Variants in SLC4A4 observed in about 807,000 individuals in gnomAD.
SLC4A4 encodes solute carrier family 4 member 4.
A neutral mutation model predicts 111.5 loss-of-function variants in SLC4A4; 27 were observed. That is an observed-to-expected ratio of 0.24 (90% CI 0.18 to 0.33). The LOEUF (loss-of-function observed/expected upper bound fraction) is 0.33. SLC4A4 is among the 10% of genes least tolerant of loss of function. The probability of loss-of-function intolerance (pLI) is 1.00; values close to 1 mark genes in which losing one functional copy is unlikely to be tolerated. For missense variants in SLC4A4, 909 were observed against 1,315.5 expected (o/e 0.69, Z 4.78); for synonymous variants, 443 against 463.4 (o/e 0.96, Z 0.57).
intron 7 of SLC4A4, among the ~76,000 whole-genome samples, chr4:71,438,575 T>G (rs1022610627): frequency 2.0e-5 from 3 of 152,144 alleles, no homozygotes; most frequent in African/African-American, 7.2e-5. Flanking sequence ...ATTAAAGAAA[T>G]AAAAGCTTAG....
intron 1 of SLC4A4, among the ~76,000 whole-genome samples, chr4:71,233,764 G>A (rs1447252141): frequency 6.6e-6 from 1 of 151,980 alleles, no homozygotes; most frequent in Non-Finnish European, 1.5e-5. Context: ...TTCTCCCATA[G>A]CCTTCCCCTG....
intron 7 of SLC4A4, among the ~76,000 whole-genome samples, chr4:71,428,438 A>G (rs765047988): frequency 1.3e-5 from 2 of 152,080 alleles, no homozygotes; most frequent in African/African-American, 2.4e-5. Context: ...CGCCAGGACA[A>G]TAGGGTAAAC....
Position 71,535,874 on chromosome 4 carries a change from C to CT in SLC4A4, c.2442+1486_2442+1487insT, listed in dbSNP as rs1560597055. ...AAACAAACAAACAAAACAAACAAAC[C>CT]AACAAAAAAACTAGACTGTCACTAA... On this transcript the variant is annotated intron_variant, in intron 18 of 25. Transcript: ENST00000264485. Among the ~76,000 whole-genome samples, 34 of 88,436 alleles carry CT rather than the reference C, an allele frequency of 3.8e-4. No homozygotes were observed. In the East Asian group the frequency reaches 0.011, roughly 29 times the overall value. The allele number at this position is 88,436 out of a possible 152,430, so 58.0% of individuals were successfully genotyped here. A position where few individuals can be genotyped will look rare whatever the true frequency, so the allele number is the denominator to read the frequency against.
intron 7 of SLC4A4, among the ~76,000 whole-genome samples, chr4:71,417,729 G>A (rs970317797): frequency 1.3e-5 from 2 of 152,066 alleles, no homozygotes; most frequent in Non-Finnish European, 2.9e-5. Flanking sequence ...TATCTTTACA[G>A]AACCAAAACC....
chr4:71,559,673 G>A (rs756954640), intron 22 of SLC4A4, among the ~76,000 whole-genome samples: 18 of 151,654 alleles, frequency 1.2e-4, no homozygotes, highest in East Asian at 9.8e-4. Context: ...TATATGTGTC[G>A]TACAGATTTT....
chr4:71,189,514 T>A (rs951316860), intron 1 of SLC4A4, among the ~76,000 whole-genome samples: 1 of 152,226 alleles, frequency 6.6e-6, no homozygotes, highest in African/African-American at 2.4e-5. Context: ...TAGGCCCTGA[T>A]GGTAATCTCA....
At chr4:71,281,433 G>A (rs972174434) in intron 3 of SLC4A4, among the ~76,000 whole-genome samples, 8 of 152,172 alleles carry the variant, frequency 5.3e-5, no homozygotes, top group African/African-American at 1.9e-4. Context: ...CATTAAGTGA[G>A]TTTATGTCTT....
chr4:71,089,041 C>T (rs923946533), intron 1 of SLC4A4, among the ~76,000 whole-genome samples: 1 of 152,108 alleles, frequency 6.6e-6, no homozygotes, highest in African/African-American at 2.4e-5. Flanking sequence ...TTCGGTACAC[C>T]AGTCAGAGGT....
At chr4:71,094,812 CTG>C (rs10586241) in intron 2 of SLC4A4, among the ~76,000 whole-genome samples, 49,870 of 151,942 alleles carry the variant, frequency 0.33, 8,458 homozygotes, top group African/African-American at 0.42. Flanking sequence ...AAAGGTCTCT[CTG>C]TCTTCTCCTG....
chr4:71,563,421 C>T (rs1397420478), intron 23 of SLC4A4, among the ~76,000 whole-genome samples: 23 of 151,726 alleles, frequency 1.5e-4, no homozygotes, highest in Non-Finnish European at 1.0e-4. Flanking sequence ...ATTTCAAGAC[C>T]GTATTATAAC....
At chr4:71,096,255 C>G (rs9291200) in intron 2 of SLC4A4, among the ~76,000 whole-genome samples, 150,351 of 152,258 alleles carry the variant, frequency 0.99, 74,265 homozygotes, top group East Asian at 1. Context: ...TGGCTGGAGG[C>G]TAAAGGGGGG....
intron 7 of SLC4A4, among the ~76,000 whole-genome samples, chr4:71,400,267 C>A (rs1044836080): frequency 2.6e-5 from 4 of 152,152 alleles, no homozygotes; most frequent in Admixed American, 2.6e-4. Flanking sequence ...CAGAAGAAAT[C>A]TGATGGCTTA....
At chr4:71,163,226 A>G (rs1406614489) in intron 2 of SLC4A4, among the ~76,000 whole-genome samples, 1 of 152,124 alleles carries the variant, frequency 6.6e-6, no homozygotes, top group African/African-American at 2.4e-5. Flanking sequence ...TTGTCATTCC[A>G]GTTTTATTAG....
At chr4:71,078,211 G>GCATTCATT (rs562076848) in intron 1 of SLC4A4, among the ~76,000 whole-genome samples, 1 of 152,028 alleles carries the variant, frequency 6.6e-6, no homozygotes, top group Non-Finnish European at 1.5e-5. Context: ...TGTACAATTA[G>GCATTCATT]CATTCATTCA....
intron 13 of SLC4A4, among the ~76,000 whole-genome samples, chr4:71,469,813 T>C (rs1283257780): frequency 6.6e-6 from 1 of 151,984 alleles, no homozygotes; most frequent in Non-Finnish European, 1.5e-5. Context: ...TGAACTACTG[T>C]AGTATTGCTT....
intron 3 of SLC4A4, among the ~76,000 whole-genome samples, chr4:71,295,445 G>T (rs1333179134): frequency 1.3e-5 from 2 of 152,052 alleles, no homozygotes; most frequent in Non-Finnish European, 2.9e-5. Flanking sequence ...GTTTTACCTT[G>T]ATTTTCCTAA....
intron 6 of SLC4A4, among the ~76,000 whole-genome samples, chr4:71,370,455 A>C (rs1004356914): frequency 2.0e-5 from 3 of 152,174 alleles, no homozygotes; most frequent in Admixed American, 2.0e-4. Context: ...TGGGGAAAAA[A>C]ATTTCAGGTA....
chr4:71,168,548 T>C (rs1205130180), intron 2 of SLC4A4, among the ~76,000 whole-genome samples: 2 of 152,058 alleles, frequency 1.3e-5, no homozygotes, highest in Non-Finnish European at 2.9e-5. Flanking sequence ...AAATATCAGG[T>C]CTTTTAAATT....
intron 1 of SLC4A4, among the ~76,000 whole-genome samples, chr4:71,210,861 TA>T (rs1457746448): frequency 6.6e-6 from 1 of 152,206 alleles, no homozygotes. Context: ...GCAGAGTAGG[TA>T]CTCAATAAGA....
Sources: allele counts gnomAD v4.1 joint callset (sites outside exome capture counted in the v4.1 genomes callset), GRCh38; gene constraint gnomAD v4.1.1; transcripts MANE v1.5; gene names NCBI Gene and HGNC (gene_info 2026-07-23, HGNC 2026-07-21).